Variants in HHLA2 observed in about 807,000 individuals in gnomAD.
HHLA2 encodes the protein HERV-H LTR-associating protein 2.
In HHLA2, 48 loss-of-function variants were observed where a neutral mutation model predicts 45.9. That is an observed-to-expected ratio of 1.05 (90% CI 0.83 to 1.33). HHLA2 has a LOEUF of 1.33. Ranked by LOEUF, HHLA2 falls within the 40% of genes most tolerant of loss-of-function variation. The pLI is 0.00. For synonymous variants in HHLA2, 161 were observed against 173.9 expected (o/e 0.93, Z 0.59); for missense variants, 462 against 494.3 (o/e 0.93, Z 0.62).
At chr3:108,315,446 T>G (rs2081086146) in intron 2 of HHLA2, among the ~76,000 whole-genome samples, 1 of 152,258 alleles carries the variant, frequency 6.6e-6, no homozygotes, top group Non-Finnish European at 1.5e-5. Flanking sequence ...AAAGGCGTCA[T>G]TAAGCCAATT....
At chr3:108,356,382 TA>T (rs1239409607) in intron 6 of HHLA2, among the ~76,000 whole-genome samples, 7 of 152,092 alleles carry the variant, frequency 4.6e-5, no homozygotes, top group African/African-American at 1.4e-4. Context: ...GTCTCCCTTA[TA>T]GGGGGAAAAT....
intron 3 of HHLA2, among the ~76,000 whole-genome samples, chr3:108,336,497 G>C (rs1303127922): frequency 6.6e-6 from 1 of 152,114 alleles, no homozygotes; most frequent in East Asian, 1.9e-4. Context: ...CTTTCATCAT[G>C]TAATATATAC....
chr3:108,318,702 C>T (rs554326932), intron 2 of HHLA2, among the ~76,000 whole-genome samples: 150 of 152,232 alleles, frequency 9.9e-4, no homozygotes, highest in Non-Finnish European at 1.7e-3. Flanking sequence ...TAACATTTTA[C>T]TCATGCTGTC....
At chr3:108,324,324 T>C (rs935300659) in intron 2 of HHLA2, among the ~76,000 whole-genome samples, 1 of 152,216 alleles carries the variant, frequency 6.6e-6, no homozygotes, top group African/African-American at 2.4e-5. Context: ...ACAAGAGCAT[T>C]TTTGCTGTTC....
At chr3:108,322,837 A>G (rs1357982331) in intron 2 of HHLA2, among the ~76,000 whole-genome samples, 1 of 152,182 alleles carries the variant, frequency 6.6e-6, no homozygotes, top group Admixed American at 6.5e-5. Flanking sequence ...TGTAAGAAAT[A>G]GCTTTCCTAT....
At chr3:108,356,934 GAGA>G (rs1165109976) in intron 6 of HHLA2, among the ~76,000 whole-genome samples, 3 of 152,196 alleles carry the variant, frequency 2.0e-5, no homozygotes, top group African/African-American at 4.8e-5. Context: ...GACATTCCAG[GAGA>G]AGAAGAATAT....
At chr3:108,330,064 A>T (rs1207152623) in intron 3 of HHLA2, among the ~76,000 whole-genome samples, 1 of 152,062 alleles carries the variant, frequency 6.6e-6, no homozygotes, top group East Asian at 1.9e-4. Context: ...GTGCCTTGCC[A>T]TATGGGCTCT....
intron 3 of HHLA2, among the ~76,000 whole-genome samples, chr3:108,347,640 G>A (rs2081690251): frequency 6.6e-6 from 1 of 152,170 alleles, no homozygotes; most frequent in Non-Finnish European, 1.5e-5. Context: ...GGATTGGAAG[G>A]AGACAACAGT....
At position 108,335,756 on chromosome 3, in the gene HHLA2, G is replaced by A. The variant is rs143268706; in HGVS notation, c.-27+7409G>A. Among the ~76,000 whole-genome samples the A allele has an allele frequency of 5.3e-3, 812 of 152,162 alleles. 6 individuals carry two copies. The highest frequency in any genetic ancestry group is 0.018 in the African/African-American group (763 of 41,532). ...TCATGTGATTGACAGCTGCTGCTTC[G>A]GACTTTCTGATGAGCATCCAGATAG... On this transcript the variant is annotated intron_variant, in intron 3 of 10. Coordinates refer to ENST00000619531, the Ensembl canonical transcript of HHLA2.
At chr3:108,318,105 A>G (rs55933801) in intron 2 of HHLA2, among the ~76,000 whole-genome samples, 15,941 of 151,350 alleles carry the variant, frequency 0.11, 1,580 homozygotes, top group East Asian at 0.52. Context: ...CACTTGAACC[A>G]AGGAGGCTGA....
At chr3:108,342,227 C>T (rs1038602672) in intron 3 of HHLA2, among the ~76,000 whole-genome samples, 4 of 147,032 alleles carry the variant, frequency 2.7e-5, no homozygotes, top group Non-Finnish European at 4.5e-5. Flanking sequence ...CTAGTTGATG[C>T]TTATCGGCTG....
chr3:108,373,280 G>T (rs1038040983), intron 8 of HHLA2, among the ~76,000 whole-genome samples: 1 of 151,876 alleles, frequency 6.6e-6, no homozygotes, highest in Non-Finnish European at 1.5e-5. Flanking sequence ...ATTCAACAAC[G>T]CCTTCATGCT....
At chr3:108,356,262 C>T (rs2081890121) in intron 6 of HHLA2, among the ~76,000 whole-genome samples, 1 of 152,068 alleles carries the variant, frequency 6.6e-6, no homozygotes, top group Admixed American at 6.5e-5. Flanking sequence ...GAACTTCTGA[C>T]CTCGTGATCC....
At chr3:108,330,248 G>A (rs1351632822) in intron 3 of HHLA2, among the ~76,000 whole-genome samples, 1 of 152,142 alleles carries the variant, frequency 6.6e-6, no homozygotes, top group Non-Finnish European at 1.5e-5. Context: ...GTACAGTGTG[G>A]GAAAGGACTA....
chr3:108,308,406 T>C (rs1303759204), intron 1 of HHLA2, among the ~76,000 whole-genome samples: 4 of 152,240 alleles, frequency 2.6e-5, no homozygotes, highest in African/African-American at 4.8e-5. Flanking sequence ...CTTTTATCCA[T>C]TTATCTGTTG....
At chr3:108,317,137 T>G (rs1313856724) in intron 2 of HHLA2, among the ~76,000 whole-genome samples, 1 of 152,232 alleles carries the variant, frequency 6.6e-6, no homozygotes, top group Non-Finnish European at 1.5e-5. Flanking sequence ...AGGGTCTACC[T>G]GGAAGAAGGG....
At chr3:108,310,070 T>G (rs1446677285) in intron 1 of HHLA2, among the ~76,000 whole-genome samples, 1 of 152,178 alleles carries the variant, frequency 6.6e-6, no homozygotes, top group Non-Finnish European at 1.5e-5. Context: ...CTCTTTAAAG[T>G]TGATGCCTGT....
chr3:108,353,283 A>G, intron 4 of HHLA2, 144 bp from the exon 4 acceptor site: 1 of 576,238 alleles, frequency 1.7e-6, no homozygotes, highest in East Asian at 2.8e-5. Flanking sequence ...TTTGTTTCTA[A>G]TAATCAGACA....
intron 8 of HHLA2, among the ~76,000 whole-genome samples, chr3:108,370,805 C>T (rs886692063): frequency 6.6e-6 from 1 of 152,176 alleles, no homozygotes; most frequent in African/African-American, 2.4e-5. Context: ...TGAACAAAGC[C>T]TCCAAGAAAT....
Sources: allele counts gnomAD v4.1 joint callset (sites outside exome capture counted in the v4.1 genomes callset), GRCh38; gene constraint gnomAD v4.1.1; transcripts MANE v1.5; gene names NCBI Gene and HGNC (gene_info 2026-07-23, HGNC 2026-07-21).